The following PRKCE variants were observed in gnomAD, a reference collection of about 807,000 sequenced individuals.
PRKCE encodes the protein protein kinase C epsilon, also known as protein kinase C epsilon type.
A neutral mutation model predicts 85.4 loss-of-function variants in PRKCE; 16 were observed. That is an observed-to-expected ratio of 0.19 (90% CI 0.13 to 0.28). The LOEUF (loss-of-function observed/expected upper bound fraction) is 0.28. PRKCE is among the 10% of genes least tolerant of loss of function. The probability of loss-of-function intolerance (pLI) is 1.00; values close to 1 mark genes in which losing one functional copy is unlikely to be tolerated. For missense variants in PRKCE, 573 were observed against 975.2 expected (o/e 0.59, Z 5.49); for synonymous variants, 388 against 371.5 (o/e 1.04, Z -0.51).
intron 1 of PRKCE, among the ~76,000 whole-genome samples, chr2:45,683,306 A>G (rs1049202870): frequency 5.6e-4 from 85 of 152,300 alleles, no homozygotes; most frequent in African/African-American, 2.0e-3. Context: ...GCACCCCCAT[A>G]GACTGTGACA....
intron 1 of PRKCE, among the ~76,000 whole-genome samples, chr2:45,661,517 TTTTTTGTTTTTTG>T (rs1297354021): frequency 1.6e-5 from 2 of 123,808 alleles, no homozygotes; most frequent in African/African-American, 6.2e-5. Flanking sequence ...TTTTGTTTTG[TTTTTTGTTTTTTG>T]TTTTTTTTTT....
At chr2:45,871,262 C>T (rs1009184631) in intron 2 of PRKCE, among the ~76,000 whole-genome samples, 4 of 152,222 alleles carry the variant, frequency 2.6e-5, no homozygotes, top group African/African-American at 4.8e-5. Context: ...GCTTTGAGAG[C>T]ATTTCATGCT....
At chr2:46,130,225 G>A (rs1158365282) in intron 11 of PRKCE, among the ~76,000 whole-genome samples, 1 of 151,800 alleles carries the variant, frequency 6.6e-6, no homozygotes, top group Admixed American at 6.6e-5. Context: ...AATCTAATAA[G>A]TTACAATTAA....
At chr2:45,868,112 C>T (rs1693755482) in intron 2 of PRKCE, among the ~76,000 whole-genome samples, 1 of 151,638 alleles carries the variant, frequency 6.6e-6, no homozygotes, top group African/African-American at 2.4e-5. Flanking sequence ...TCAGTCCTGG[C>T]TTCATACTGA....
Position 45,976,857 on chromosome 2 carries a change from CTGTGTGTGTGTGTGTGTGTGTGTGTG to C in PRKCE, c.572+293_572+318del, listed in dbSNP as rs56287103. On this transcript the variant is annotated intron_variant, in intron 3 of 14. Transcript: ENST00000306156. Reference sequence around the variant, plus strand: ...TTAGTAACCAACAAGGATATTGTGACTGTGTGTGTGTGTGTGTGTGTGTGTGTGTGTGTGTGTGTGTGTGTGTGTCT... The same window carrying C: ...TTAGTAACCAACAAGGATATTGTGACTGTGTGTGTGTGTGTGTGTGTGTCT... Among the ~76,000 whole-genome samples, 12 of 135,052 alleles carry C rather than the reference CTGTGTGTGTGTGTGTGTGTGTGTGTG, an allele frequency of 8.9e-5. 1 individual carries two copies. The East Asian group carries it at 1.3e-3, about 15-fold the overall frequency. The allele number at this position is 135,052 out of a possible 152,430, so 88.6% of individuals were successfully genotyped here. A position where few individuals can be genotyped will look rare whatever the true frequency, so the allele number is the denominator to read the frequency against.
At chr2:46,108,630 C>T (rs1427942329) in intron 11 of PRKCE, among the ~76,000 whole-genome samples, 2 of 152,196 alleles carry the variant, frequency 1.3e-5, no homozygotes, top group Non-Finnish European at 2.9e-5. Context: ...AGCAAAATTG[C>T]ATTTCTACCC....
chr2:46,010,337 A>C lies in PRKCE; in HGVS notation c.1264-7A>C, dbSNP rs778789344. ...ATAGATTGATGGAGGCAATTGATTG[A>C]TTGCAGGTCATGTTGGCAGAACTCA... On this transcript the variant is annotated splice_polypyrimidine_tract_variant and splice_region_variant and intron_variant, in intron 9 of 14. Transcript: ENST00000306156. The C allele has an allele frequency of 2.5e-6, 4 of 1,585,888 alleles. No individual in the cohort carries two copies. The highest frequency in any genetic ancestry group is 3.4e-6 in the Non-Finnish European group (4 of 1,169,682).
chr2:45,935,821 G>T (rs1573940348), intron 2 of PRKCE, among the ~76,000 whole-genome samples: 1 of 151,532 alleles, frequency 6.6e-6, no homozygotes, highest in African/African-American at 2.4e-5. Flanking sequence ...CTGAATTCTT[G>T]ATAGAAGGTG....
intron 8 of PRKCE, among the ~76,000 whole-genome samples, chr2:46,006,541 C>T (rs1705215808): frequency 6.6e-6 from 1 of 152,222 alleles, no homozygotes; most frequent in Admixed American, 6.5e-5. Context: ...ATGCCTAATT[C>T]TCATTCCCAA....
At chr2:46,146,030 G>A (rs910946886) in intron 12 of PRKCE, among the ~76,000 whole-genome samples, 3 of 152,244 alleles carry the variant, frequency 2.0e-5, no homozygotes, top group African/African-American at 7.2e-5. Flanking sequence ...GATGGAGCAG[G>A]AAGAGGAGAG....
intron 1 of PRKCE, among the ~76,000 whole-genome samples, chr2:45,735,753 A>G (rs554408225): frequency 2.8e-4 from 43 of 152,316 alleles, no homozygotes; most frequent in African/African-American, 1.0e-3. Flanking sequence ...GGAATGAATG[A>G]GGAAGGCAAG....
chr2:45,684,172 C>A (rs985171650), intron 1 of PRKCE, among the ~76,000 whole-genome samples: 3 of 152,228 alleles, frequency 2.0e-5, no homozygotes, highest in Non-Finnish European at 4.4e-5. Flanking sequence ...TTGAAACCTG[C>A]TCCCAGGAGC....
chr2:45,824,125 CTA>C (rs1405657027), intron 1 of PRKCE, among the ~76,000 whole-genome samples: 1 of 152,240 alleles, frequency 6.6e-6, no homozygotes, highest in Non-Finnish European at 1.5e-5. Context: ...TGCAAGTTTA[CTA>C]TGTTTGTTGG....
At position 46,044,217 on chromosome 2, in the gene PRKCE, T is replaced by TTGAA. The variant is rs767527820; in HGVS notation, c.1437+33717_1437+33720dup. Among the ~76,000 whole-genome samples the TTGAA allele has an allele frequency of 1.1e-4, 17 of 152,314 alleles. No homozygotes were observed. The South Asian group carries it at 1.2e-3, about 11-fold the overall frequency. ...GTGCTTAGTGGGTACAGAATGTTTG[T>TTGAA]TGAATGAATGAATGAATGAAAAAGT... On this transcript the variant is annotated intron_variant, in intron 10 of 14. Transcript: ENST00000306156.
chr2:46,158,876 A>G (rs141396056), intron 13 of PRKCE, among the ~76,000 whole-genome samples: 1 of 152,326 alleles, frequency 6.6e-6, no homozygotes, highest in African/African-American at 2.4e-5. Flanking sequence ...GACTCATTTA[A>G]TAGGAATAAC....
chr2:45,926,844 G>A (rs1201241242), intron 2 of PRKCE, among the ~76,000 whole-genome samples: 2 of 152,234 alleles, frequency 1.3e-5, no homozygotes, highest in Non-Finnish European at 2.9e-5. Context: ...AATGTGTGGT[G>A]TGTGCATGTG....
chr2:45,980,174 T>A, intron 4 of PRKCE, 122 bp from the exon 5 acceptor site: 1 of 793,380 alleles, frequency 1.3e-6, no homozygotes, highest in Admixed American at 2.5e-5. Flanking sequence ...GGTATTAAAT[T>A]AAGGCTCAGT....
intron 10 of PRKCE, among the ~76,000 whole-genome samples, chr2:46,044,543 T>C (rs1390979594): frequency 6.6e-6 from 1 of 152,200 alleles, no homozygotes; most frequent in Non-Finnish European, 1.5e-5. Context: ...GATTTCTCTC[T>C]TCACCATCTT....
chr2:45,827,612 C>A (rs1169579569), intron 1 of PRKCE, among the ~76,000 whole-genome samples: 5 of 152,162 alleles, frequency 3.3e-5, no homozygotes, highest in Non-Finnish European at 1.5e-5. Context: ...ATTTGTACTT[C>A]AAAACTTATG....
Sources: allele counts gnomAD v4.1 joint callset (sites outside exome capture counted in the v4.1 genomes callset), GRCh38; gene constraint gnomAD v4.1.1; transcripts MANE v1.5; gene names NCBI Gene and HGNC (gene_info 2026-07-23, HGNC 2026-07-21).